The following MN1 variants were observed in gnomAD, a reference collection of about 807,000 sequenced individuals.
The protein encoded by MN1 is transcriptional activator MN1.
MN1 carries 19 observed loss-of-function variants against 86.9 expected under a neutral mutation model. The observed-to-expected ratio is 0.22, with a 90% CI of 0.15 to 0.32. The LOEUF (loss-of-function observed/expected upper bound fraction) is 0.32. MN1 is among the 10% of genes least tolerant of loss of function. The pLI is 1.00. For synonymous variants in MN1, 928 were observed against 849.6 expected, an observed-to-expected ratio of 1.09 and a Z score of -1.60; for missense variants, 1,841 against 1,862.0, an observed-to-expected ratio of 0.99 and a Z score of 0.21.
At chr22:27,788,007 G>A (rs988650238) in intron 1 of MN1, among the ~76,000 whole-genome samples, 1 of 152,220 alleles carries the variant, frequency 6.6e-6, no homozygotes, top group Non-Finnish European at 1.5e-5. Flanking sequence ...GCTTGGGCAA[G>A]AACCTTCTGT....
intron 1 of MN1, among the ~76,000 whole-genome samples, chr22:27,795,713 CTATA>C (rs200132640): frequency 7.1e-6 from 1 of 141,418 alleles, no homozygotes; most frequent in East Asian, 2.0e-4. Context: ...ATATATACAC[CTATA>C]TATATACACA....
intron 1 of MN1, among the ~76,000 whole-genome samples, chr22:27,751,968 T>C (rs1042373758): frequency 2.0e-5 from 3 of 152,042 alleles, no homozygotes; most frequent in African/African-American, 4.8e-5. Context: ...GAGGTGGCTT[T>C]GAGAGTGGGG....
chr22:27,799,163 A>C lies in MN1; in HGVS notation c.1381T>G (p.Phe461Val). Reference protein sequence around the residue: ...MNVAKRPRFDFPGSAGVDRCA... With the variant: ...MNVAKRPRFDVPGSAGVDRCA... The stretch of plus-strand genomic sequence containing the variant: ...CGGTCCACTCCCGCGCTGCCCGGAA[A>C]GTCGAAGCGCGGCCTCTTGGCCACG... The change falls in exon 1 of 2, where the codon TTT (phenylalanine) becomes GTT (valine). Residue 461 changes from phenylalanine (F) to valine (V), a missense_variant. By Grantham distance (50) the Phe-to-Val change is conservative (BLOSUM62 -1). Coordinates refer to ENST00000302326, the MANE Select transcript of MN1 (RefSeq NM_002430.3). 1 of 1,606,506 alleles carries C rather than the reference A, an allele frequency of 6.2e-7. No homozygotes were observed. Among genetic ancestry groups the C allele is most frequent in the Non-Finnish European group, 8.5e-7 (1 of 1,174,758 alleles).
rs1048409042 is a variant in MN1 at position 27,801,511 on chromosome 22, C to G, written c.-968G>C. Reference sequence around the variant, plus strand: ...CCTGCCTCCGCGCTGAGGTGCTTCGCGAGTCCCTCTCGGACCTGAGGGAGG... The same window carrying G: ...CCTGCCTCCGCGCTGAGGTGCTTCGGGAGTCCCTCTCGGACCTGAGGGAGG... On this transcript the variant is annotated 5_prime_UTR_variant, in exon 1 of 2. Transcript: ENST00000302326. The G allele has an allele frequency of 1.1e-5, 2 of 185,256 alleles. No individual in the cohort carries two copies. Among genetic ancestry groups the G allele is most frequent in the African/African-American group, 4.7e-5 (2 of 42,484 alleles). 11.5% of individuals were successfully genotyped at this position (185,256 alleles called of 1,614,324 possible).
At chr22:27,753,698 C>A (rs992816790) in intron 1 of MN1, among the ~76,000 whole-genome samples, 3 of 152,172 alleles carry the variant, frequency 2.0e-5, no homozygotes, top group Non-Finnish European at 4.4e-5. Flanking sequence ...TAATACCCCA[C>A]CCAGGGCTTC....
rs777618748 is a variant in MN1, at chr22:27,798,030, G to A, written c.2514C>T (p.Ser838=). 3.1e-6 allele frequency: 5 copies of A among 1,608,370 alleles called. No individual in the cohort carries two copies. In the East Asian group the frequency reaches 1.1e-4, roughly 36 times the overall value. Residue 838 remains serine (S), a synonymous_variant, in exon 1 of 2, where the codon AGC becomes AGT. Coordinates refer to ENST00000302326, the MANE Select transcript of MN1 (RefSeq NM_002430.3). ...LSTACQNMIA[S]LGAPNLNVTF... is the part of the protein sequence containing the mutation. ...TCACGTTGAGGTTGGGGGCCCCGAGGCTGGCGATCATGTTCTGGCAAGCGG... is the reference window on the plus strand; with the variant it reads ...TCACGTTGAGGTTGGGGGCCCCGAGACTGGCGATCATGTTCTGGCAAGCGG...
At chr22:27,788,991 G>C (rs1478714370) in intron 1 of MN1, among the ~76,000 whole-genome samples, 2 of 152,068 alleles carry the variant, frequency 1.3e-5, no homozygotes, top group African/African-American at 4.8e-5. Flanking sequence ...GCACTGAGAA[G>C]AAAAAAACTA....
At position 27,797,026 on chromosome 22, in the gene MN1, T is replaced by G. The variant is rs776231833; in HGVS notation, c.3518A>C (p.Gln1173Pro). The change falls in exon 1 of 2, where the codon CAG becomes CCG. Residue 1173 changes from glutamine to proline, a missense_variant. Coordinates refer to ENST00000302326, the MANE Select transcript of MN1 (RefSeq NM_002430.3). ...QRQQFSISED[Q>P]PLGLKGGKKG... Reference sequence around the variant, plus strand: ...CTTGCCACCCTTCAGCCCCAGAGGCTGGTCCTCGGAGATGCTGAACTGCTG... The same window carrying G: ...CTTGCCACCCTTCAGCCCCAGAGGCGGGTCCTCGGAGATGCTGAACTGCTG... The G allele has an allele frequency of 6.2e-6, 10 of 1,612,566 alleles. No homozygotes were observed. In the African/African-American group the frequency reaches 1.3e-4, roughly 22 times the overall value.
chr22:27,752,351 C>T (rs768375874), intron 1 of MN1, among the ~76,000 whole-genome samples: 3 of 152,098 alleles, frequency 2.0e-5, no homozygotes, highest in Non-Finnish European at 4.4e-5. Flanking sequence ...ATCTGAGCTC[C>T]CCAATCAGAC....
At position 27,763,141 on chromosome 22, in the gene MN1, A is replaced by T. The variant is rs537574466; in HGVS notation, c.3782-12045T>A. ...ACAAAACAAATATACATTCACATTTATTTGGAATTAGAGCCTCATTGCTTC... is the reference window on the plus strand; with the variant it reads ...ACAAAACAAATATACATTCACATTTTTTTGGAATTAGAGCCTCATTGCTTC... On this transcript the variant is annotated intron_variant, in intron 1 of 1. Coordinates refer to ENST00000302326, the MANE Select transcript of MN1 (RefSeq NM_002430.3). 3.3e-5 allele frequency among the ~76,000 whole-genome samples: 5 copies of T among 152,326 alleles called. No homozygotes were observed. In the South Asian group the frequency reaches 1.0e-3, roughly 32 times the overall value.
At chr22:27,782,031 C>T in intron 1 of MN1, among the ~76,000 whole-genome samples, 1 of 152,160 alleles carries the variant, frequency 6.6e-6, no homozygotes, top group Non-Finnish European at 1.5e-5. Context: ...CGGACCAGCT[C>T]ATCTCATGGA....
intron 1 of MN1, among the ~76,000 whole-genome samples, chr22:27,754,512 C>G (rs1932789892): frequency 6.6e-6 from 1 of 152,220 alleles, no homozygotes; most frequent in African/African-American, 2.4e-5. Flanking sequence ...AGAGAGCCAA[C>G]CAGTCTGGTA....
intron 1 of MN1, among the ~76,000 whole-genome samples, chr22:27,760,592 T>C (rs1253329003): frequency 3.3e-5 from 5 of 152,094 alleles, no homozygotes; most frequent in Non-Finnish European, 7.4e-5. Flanking sequence ...CACTGAGACA[T>C]CTTGACCTGA....
At chr22:27,763,468 G>C (rs1568972485) in intron 1 of MN1, among the ~76,000 whole-genome samples, 2 of 152,200 alleles carry the variant, frequency 1.3e-5, no homozygotes, top group Non-Finnish European at 2.9e-5. Context: ...ATCCATCCCT[G>C]CCACTGTTGG....
intron 1 of MN1, among the ~76,000 whole-genome samples, chr22:27,783,495 C>A (rs756083771): frequency 6.6e-6 from 1 of 152,066 alleles, no homozygotes; most frequent in Non-Finnish European, 1.5e-5. Context: ...CTGGTCTGCA[C>A]GAGGCTTAGC....
At chr22:27,761,559 T>G (rs916754495) in intron 1 of MN1, among the ~76,000 whole-genome samples, 6 of 152,070 alleles carry the variant, frequency 3.9e-5, no homozygotes, top group African/African-American at 1.2e-4. Context: ...GTTACCAAAG[T>G]TTCAGCTGCA....
intron 1 of MN1, among the ~76,000 whole-genome samples, chr22:27,761,907 G>A (rs1247188677): frequency 2.0e-5 from 3 of 152,198 alleles, no homozygotes; most frequent in Non-Finnish European, 4.4e-5. Context: ...AGGCTGCAAG[G>A]GCATCATCGG....
rs1412136422 is a variant in MN1, at chr22:27,799,597, C to T, written c.947G>A (p.Arg316Lys). Residue 316 changes from arginine (R) to lysine (K), a missense_variant, in exon 1 of 2, where the codon AGG becomes AAG. Arg to Lys is a conservative substitution (Grantham distance 26). Transcript: ENST00000302326. ...AGGCATCTTTCTGGCCCCACTGAAC[C>T]TCTCAAAGAACACACCATGCTGCTG... ...QQQQHGVFFE[R>K]FSGARKMPVG... 1.3e-6 allele frequency: 2 copies of T among 1,529,946 alleles called. No homozygotes were observed. Among genetic ancestry groups the T allele is most frequent in the Non-Finnish European group, 1.8e-6 (2 of 1,136,790 alleles). 94.8% of individuals were successfully genotyped at this position (1,529,946 alleles called of 1,614,324 possible). A position where few individuals can be genotyped will look rare whatever the true frequency, so the allele number is the denominator to read the frequency against.
intron 1 of MN1, among the ~76,000 whole-genome samples, chr22:27,779,141 T>C (rs2072784981): frequency 6.6e-6 from 1 of 152,104 alleles, no homozygotes; most frequent in Non-Finnish European, 1.5e-5. Flanking sequence ...AGGGTGACCA[T>C]GATGAATGCT....
Sources: allele counts gnomAD v4.1 joint callset (sites outside exome capture counted in the v4.1 genomes callset), GRCh38; gene constraint gnomAD v4.1.1; transcripts MANE v1.5; gene names NCBI Gene and HGNC (gene_info 2026-07-23, HGNC 2026-07-21).